LINGO1: variants seen among roughly 807,000 people sequenced by gnomAD.
LINGO1 encodes the protein leucine rich repeat and Ig domain containing 1, also known as leucine-rich repeat and immunoglobulin-like domain-containing nogo receptor-interacting protein 1.
LINGO1 carries 11 observed loss-of-function variants against 37.3 expected under a neutral mutation model. That is an observed-to-expected ratio of 0.29 (90% CI 0.19 to 0.49). The LOEUF (loss-of-function observed/expected upper bound fraction) is 0.49. LINGO1 is among the 20% of genes least tolerant of loss of function. The pLI is 0.99. For synonymous variants in LINGO1, 387 were observed against 403.0 expected (o/e 0.96, Z 0.48); for missense variants, 585 against 878.2 (o/e 0.67, Z 4.22).
Position 77,664,162 on chromosome 15 carries a change from T to TGCGCGCGC in LINGO1, c.-13+12926_-13+12927insGCGCGCGC, listed in dbSNP as rs1245826540. ...GTGTGTGTGTGTGTGTGTGTGTGTG[T>TGCGCGCGC]GTGTGTGTGCGCGCGCGCATGCGTT... On this transcript the variant is annotated intron_variant, in intron 3 of 3. Transcript: ENST00000559893. 8.5e-3 allele frequency among the ~76,000 whole-genome samples: 958 copies of TGCGCGCGC among 113,138 alleles called. 7 individuals carry two copies. The highest frequency in any genetic ancestry group is 0.013 in the Non-Finnish European group (671 of 52,500). 74.2% of individuals were successfully genotyped at this position (113,138 alleles called of 152,430 possible).
upstream of LINGO1, among the ~76,000 whole-genome samples, chr15:77,699,221 A>G (rs570082016): frequency 6.6e-6 from 1 of 151,196 alleles, no homozygotes; most frequent in Non-Finnish European, 1.5e-5. Context: ...CTTCATTAGC[A>G]AACTGGGGTG....
chr15:77,811,599 G>A (rs1392049233), intron 1 of LINGO1, among the ~76,000 whole-genome samples: 2 of 152,248 alleles, frequency 1.3e-5, no homozygotes, highest in Non-Finnish European at 2.9e-5. Context: ...GGCCTTTGCA[G>A]AGGACCCTCC....
At chr15:77,734,549 A>C (rs1428762469) in intron 2 of LINGO1, among the ~76,000 whole-genome samples, 2 of 151,618 alleles carry the variant, frequency 1.3e-5, no homozygotes. Context: ...GACCACCCAG[A>C]GCACACCCTG....
chr15:77,648,193 A>G, intron 3 of LINGO1: 1 of 318,208 alleles, frequency 3.1e-6, no homozygotes, highest in South Asian at 2.7e-5. Context: ...TAATTGTAGT[A>G]TTAACATACA....
At chr15:77,689,025 G>A (rs1434115048) in intron 2 of LINGO1, among the ~76,000 whole-genome samples, 7 of 152,168 alleles carry the variant, frequency 4.6e-5, no homozygotes, top group African/African-American at 1.4e-4. Context: ...ACCACAGGCC[G>A]GAGCAGTCAG....
intron 3 of LINGO1, among the ~76,000 whole-genome samples, chr15:77,641,097 C>T (rs2074495474): frequency 6.6e-6 from 1 of 152,224 alleles, no homozygotes; most frequent in African/African-American, 2.4e-5. Context: ...GGCAGAACAG[C>T]AGGTGCAAAG....
At chr15:77,743,068 GT>G (rs1426828555) in intron 1 of LINGO1, among the ~76,000 whole-genome samples, 5 of 152,224 alleles carry the variant, frequency 3.3e-5, no homozygotes, top group African/African-American at 1.2e-4. Flanking sequence ...GGTGAGGAAG[GT>G]GGGAGAGATG....
At chr15:77,758,867 G>C (rs138101830) in intron 1 of LINGO1, among the ~76,000 whole-genome samples, 27 of 151,888 alleles carry the variant, frequency 1.8e-4, no homozygotes, top group African/African-American at 5.8e-4. Context: ...GGTCAGAAGC[G>C]GGGGGAGGAA....
upstream of LINGO1, among the ~76,000 whole-genome samples, chr15:77,696,979 C>T (rs751722586): frequency 3.3e-5 from 5 of 152,262 alleles, no homozygotes; most frequent in Admixed American, 6.5e-5. Context: ...CAGGGGTCTG[C>T]GAGAGCAGGG....
intron 1 of LINGO1, among the ~76,000 whole-genome samples, chr15:77,783,575 G>A (rs1240333450): frequency 6.6e-6 from 1 of 152,156 alleles, no homozygotes; most frequent in Non-Finnish European, 1.5e-5. Context: ...AGAGAACCAG[G>A]CTTCACCCCT....
chr15:77,680,696 G>A (rs776662699), intron 2 of LINGO1, among the ~76,000 whole-genome samples: 9 of 152,118 alleles, frequency 5.9e-5, no homozygotes, highest in South Asian at 4.1e-4. Context: ...CTTGACTTTA[G>A]AGCAAAGGCT....
At chr15:77,729,610 G>A (rs12905106) in intron 2 of LINGO1, among the ~76,000 whole-genome samples, 3 of 152,288 alleles carry the variant, frequency 2.0e-5, no homozygotes, top group Admixed American at 2.0e-4. Context: ...CTCTGACCCA[G>A]GTCTGAGATC....
intron 1 of LINGO1, among the ~76,000 whole-genome samples, chr15:77,810,800 C>T (rs1354552462): frequency 1.3e-5 from 2 of 152,158 alleles, no homozygotes; most frequent in Admixed American, 6.5e-5. Flanking sequence ...CCCAAGGAGG[C>T]GGGGAAGCCC....
intron 3 of LINGO1, chr15:77,649,201 CCA>C (rs1168743218): frequency 6.6e-6 from 1 of 152,230 alleles, no homozygotes; most frequent in Non-Finnish European, 1.5e-5. Flanking sequence ...GTTTTAATAG[CCA>C]CACACACGGT....
chr15:77,693,132 CA>C (rs2075634023), intron 1 of LINGO1, among the ~76,000 whole-genome samples: 1 of 152,234 alleles, frequency 6.6e-6, no homozygotes, highest in African/African-American at 2.4e-5. Context: ...CTACTACAGC[CA>C]CAATGGCATC....
At chr15:77,803,582 T>G (rs1428525428) in intron 1 of LINGO1, among the ~76,000 whole-genome samples, 1 of 151,770 alleles carries the variant, frequency 6.6e-6, no homozygotes, top group Non-Finnish European at 1.5e-5. Flanking sequence ...GTGTTGGAGG[T>G]GGGGCCTAGT....
chr15:77,684,164 T>C (rs1334464144), intron 2 of LINGO1, among the ~76,000 whole-genome samples: 1 of 152,174 alleles, frequency 6.6e-6, no homozygotes, highest in Non-Finnish European at 1.5e-5. Flanking sequence ...TCTGCCTTGG[T>C]GGGCCCATTG....
intron 1 of LINGO1, among the ~76,000 whole-genome samples, chr15:77,816,162 G>A (rs908837249): frequency 6.6e-5 from 10 of 152,246 alleles, no homozygotes; most frequent in South Asian, 4.2e-4. Context: ...TTACCCAGCC[G>A]GCTTCACTAA....
Position 77,632,245 on chromosome 15 carries a change from C to T in LINGO1, c.6+65G>A. 7.6e-7 allele frequency: 1 copy of T among 1,315,872 alleles called. No homozygotes were observed. Among genetic ancestry groups the T allele is most frequent in the Non-Finnish European group, 9.6e-7 (1 of 1,037,460 alleles). The allele number at this position is 1,315,872 out of a possible 1,614,324, so 81.5% of individuals were successfully genotyped here. On this transcript the variant is annotated intron_variant, in intron 1 of 1. Coordinates refer to ENST00000355300, the MANE Select transcript of LINGO1 (RefSeq NM_032808.7). The surrounding 1 kb of genome is among the most constrained non-coding windows in gnomAD (Gnocchi z 6.0). ...AGGAGGGCGCAGCCAGGGCCGATGG[C>T]GGCCCCCAGGGGCACTCGCCGCGGG...
Sources: allele counts gnomAD v4.1 joint callset (sites outside exome capture counted in the v4.1 genomes callset), GRCh38; gene constraint gnomAD v4.1.1; non-coding constraint Gnocchi (gnomAD v3.1); transcripts MANE v1.5; gene names NCBI Gene and HGNC (gene_info 2026-07-23, HGNC 2026-07-21).